Variants in KIFC1 observed in about 807,000 individuals in gnomAD.
KIFC1 encodes kinesin family member C1, also known as kinesin-like protein KIFC1.
A neutral mutation model predicts 66.6 loss-of-function variants in KIFC1; 37 were observed. The ratio of observed to expected loss-of-function variants is 0.56; its 90% CI spans 0.43 to 0.73. KIFC1 has a LOEUF of 0.73. Ranked by LOEUF, KIFC1 falls within the 30% of genes least tolerant of loss-of-function variation. The probability of loss-of-function intolerance (pLI) is 0.00; values close to 1 mark genes in which losing one functional copy is unlikely to be tolerated. For missense variants in KIFC1, 721 were observed against 859.8 expected (o/e 0.84, Z 2.02); for synonymous variants, 325 against 343.5 (o/e 0.95, Z 0.60).
chr6:33,393,736 G>A (rs150090964), intron 1 of KIFC1, among the ~76,000 whole-genome samples: 1,738 of 148,196 alleles, frequency 0.012, 20 homozygotes, highest in Middle Eastern at 0.021. Context: ...ATGAGCCACC[G>A]TGCCCTGCAA....
chr6:33,407,555 A>G (rs1006015718), intron 10 of KIFC1, among the ~76,000 whole-genome samples: 2 of 152,216 alleles, frequency 1.3e-5, no homozygotes, highest in Non-Finnish European at 2.9e-5. Flanking sequence ...TTGTTTCCAC[A>G]CTTTTTTAGT....
chr6:33,408,617 A>G (rs574507779), intron 10 of KIFC1, among the ~76,000 whole-genome samples: 1 of 152,372 alleles, frequency 6.6e-6, no homozygotes, highest in African/African-American at 2.4e-5. Context: ...AACAAGATAA[A>G]TGCTGAATTA....
rs1478479650 is a variant in KIFC1, at chr6:33,406,358, G to T, written c.1699G>T (p.Ala567Ser). ...CGAPLSLVDLAGSERLDPGLA... is the reference protein window; with the variant it reads ...CGAPLSLVDLSGSERLDPGLA... ...GGCCCCCCTCAGTCTTGTGGACCTG[G>T]CCGGGAGTGAGCGACTTGACCCCGG... The change falls in exon 8 of 11, where the codon GCC (alanine) becomes TCC (serine). Residue 567 changes from alanine to serine, a missense_variant. Physicochemically the swap from Ala to Ser is moderately conservative, Grantham distance 99. Transcript: ENST00000428849. This position sits in a 1 kb window ranked among gnomAD's most constrained non-coding sequence, Gnocchi z 4.5. 2 of 1,614,130 alleles carry T rather than the reference G, an allele frequency of 1.2e-6. No individual in the cohort carries two copies. The highest frequency in any genetic ancestry group is 4.5e-5 in the East Asian group (2 of 44,880).
chr6:33,405,200 C>T lies in KIFC1; in HGVS notation c.1105C>T (p.Arg369Cys), dbSNP rs766825253. The T allele has an allele frequency of 5.0e-6, 8 of 1,614,182 alleles. No homozygotes were observed. The highest frequency in any genetic ancestry group is 4.0e-5 in the African/African-American group (3 of 75,060). The change falls in exon 7 of 11, where the codon CGC (arginine) becomes TGC (cysteine). Residue 369 changes from arginine to cysteine, a missense_variant. By Grantham distance (180) the Arg-to-Cys change is radical. Transcript: ENST00000428849. This position sits in a 1 kb window ranked among gnomAD's most constrained non-coding sequence, Gnocchi z 5.4. ...GAGTGGGGCACCAGCTCCCCCAACTCGCCATGATTTTTCCTTTGACCGGGT... is the reference window on the plus strand; with the variant it reads ...GAGTGGGGCACCAGCTCCCCCAACTTGCCATGATTTTTCCTTTGACCGGGT... ...TLSGAPAPPT[R>C]HDFSFDRVFP...
Position 33,403,350 on chromosome 6 carries a change from C to A in KIFC1, c.287C>A (p.Ser96Tyr). The stretch of plus-strand genomic sequence containing the variant: ...TCCAAGAAGACAGGACCCCGGTGTT[C>A]CACAGCTATTGCCACAGGTAACTGT... The part of the protein sequence containing the change: ...KVSKKTGPRC[S>Y]TAIATGLKNQ... The change falls in exon 4 of 11, where the codon TCC (serine) becomes TAC (tyrosine). Residue 96 changes from serine (S) to tyrosine (Y), a missense_variant. Ser to Tyr is a moderately radical substitution (Grantham distance 144). Transcript: ENST00000428849. This position sits in a 1 kb window ranked among gnomAD's most constrained non-coding sequence, Gnocchi z 4.6. 1 of 1,614,012 alleles carries A rather than the reference C, an allele frequency of 6.2e-7. No homozygotes were observed. The highest frequency in any genetic ancestry group is 2.2e-5 in the East Asian group (1 of 44,890).
chr6:33,393,076 T>C (rs1408447318), intron 1 of KIFC1, among the ~76,000 whole-genome samples: 1 of 152,124 alleles, frequency 6.6e-6, no homozygotes, highest in African/African-American at 2.4e-5. Context: ...GAGTATTAAA[T>C]AGGGTGGTCT....
Position 33,405,739 on chromosome 6 carries a change from C to T in KIFC1, c.1536+108C>T. On this transcript the variant is annotated intron_variant, in intron 7 of 10. Transcript: ENST00000428849. The surrounding 1 kb of genome is among the most constrained non-coding windows in gnomAD (Gnocchi z 5.4). ...CAAGAGAGAATTGAAGGATGAAGTG[C>T]AAGTTATCAGGCTGGGTTACCACAT... 6 of 1,190,710 alleles carry T rather than the reference C, an allele frequency of 5.0e-6. No individual in the cohort carries two copies. The East Asian group carries it at 7.9e-5, about 16-fold the overall frequency. The allele number at this position is 1,190,710 out of a possible 1,614,324, so 73.8% of individuals were successfully genotyped here.
chr6:33,409,587 G>A, intron 10 of KIFC1, 59 bp from the exon 11 acceptor site: 1 of 1,537,464 alleles, frequency 6.5e-7, no homozygotes, highest in Non-Finnish European at 9.0e-7. Context: ...GAGATCTTGG[G>A]AAAAATGTTG....
chr6:33,406,336 C>G lies in KIFC1; in HGVS notation c.1677C>G (p.Ala559=). The change falls in exon 8 of 11, where the codon GCC becomes GCG. Residue 559 remains alanine, a synonymous_variant. Transcript: ENST00000428849. This position sits in a 1 kb window ranked among gnomAD's most constrained non-coding sequence, Gnocchi z 4.5. Reference sequence around the variant, plus strand: ...CCAGCCGAGGCCTGCAGTGTGGGGCCCCCCTCAGTCTTGTGGACCTGGCCG... The same window carrying G: ...CCAGCCGAGGCCTGCAGTGTGGGGCGCCCCTCAGTCTTGTGGACCTGGCCG... ...EHSSRGLQCG[A]PLSLVDLAGS... is the part of the protein sequence containing the mutation. 1 of 1,614,226 alleles carries G rather than the reference C, an allele frequency of 6.2e-7. No individual in the cohort carries two copies. The highest frequency in any genetic ancestry group is 8.5e-7 in the Non-Finnish European group (1 of 1,180,042).
rs746419470 is a variant in KIFC1, at chr6:33,404,984, C to T, written c.889C>T (p.Arg297Cys). 21 of 1,614,124 alleles carry T rather than the reference C, an allele frequency of 1.3e-5. No homozygotes were observed. Among genetic ancestry groups the T allele is most frequent in the Admixed American group, 1.7e-5 (1 of 60,018 alleles). Residue 297 changes from arginine to cysteine, a missense_variant, in exon 7 of 11, where the codon CGC becomes TGC. By Grantham distance (180) the Arg-to-Cys change is radical (BLOSUM62 -3). Coordinates refer to ENST00000428849, the MANE Select transcript of KIFC1 (RefSeq NM_002263.4). The surrounding 1 kb of genome is among the most constrained non-coding windows in gnomAD (Gnocchi z 4.0). ...ACGTCTTCATGGGCTAGAAATGGAG[C>T]GCCGGCGACTGCACAACCAGCTGCA... ...EERLHGLEMERRRLHNQLQEL... is the reference protein window; with the variant it reads ...EERLHGLEMECRRLHNQLQEL...
At position 33,404,279 on chromosome 6, in the gene KIFC1, T is replaced by TC. The variant is rs139173117; in HGVS notation, c.756+150_756+151insC. On this transcript the variant is annotated intron_variant, in intron 6 of 10. Transcript: ENST00000428849. This position sits in a 1 kb window ranked among gnomAD's most constrained non-coding sequence, Gnocchi z 4.0. ...GGTGCTGCTGAAGATACCTCTCTCT[T>TC]GACCTGTCTGCACCCCAGCCCACTC... 250,913 of 715,098 alleles carry TC rather than the reference T, an allele frequency of 0.35. 47,435 individuals are homozygous for TC. The highest frequency in any genetic ancestry group is 0.39 in the South Asian group (20,381 of 52,632). 44.3% of individuals were successfully genotyped at this position (715,098 alleles called of 1,614,324 possible).
In KIFC1 at chr6:33,398,048, T is replaced by G. The variant is rs1278848608; in HGVS notation, c.32T>G (p.Val11Gly). Residue 11 changes from valine to glycine, a missense_variant, in exon 2 of 11, where the codon GTA becomes GGA. Physicochemically the swap from Val to Gly is moderately radical, Grantham distance 109. Coordinates refer to ENST00000428849, the MANE Select transcript of KIFC1 (RefSeq NM_002263.4). MDPQRSPLLE[V>G]KGNIELKRPL... ...CAACAGAGGTCCCCCCTATTGGAAG[T>G]AAAGGGGAACATAGAACTGAAGAGA... The G allele has an allele frequency of 2.5e-6, 4 of 1,613,914 alleles. No homozygotes were observed. Among genetic ancestry groups the G allele is most frequent in the Non-Finnish European group, 3.4e-6 (4 of 1,179,938 alleles).
intron 1 of KIFC1, among the ~76,000 whole-genome samples, chr6:33,396,919 T>A (rs1178587696): frequency 2.6e-5 from 4 of 151,458 alleles, no homozygotes; most frequent in Non-Finnish European, 5.9e-5. Flanking sequence ...CCTGACCTTG[T>A]GATCTGCCCG....
In KIFC1 at chr6:33,404,920, G is replaced by A; in HGVS notation, c.825G>A (p.Glu275=). The A allele has an allele frequency of 6.2e-7, 1 of 1,614,126 alleles. No individual in the cohort carries two copies. Among genetic ancestry groups the A allele is most frequent in the Non-Finnish European group, 8.5e-7 (1 of 1,180,030 alleles). Residue 275 remains glutamate, a synonymous_variant, in exon 7 of 11, where the codon GAG becomes GAA. Transcript: ENST00000428849. This position sits in a 1 kb window ranked among gnomAD's most constrained non-coding sequence, Gnocchi z 4.0. ...CAGAGGTGGCATCTCTGCGGCAGGAGACTGTGGCCCAGGCAGCCTTACTGA... is the reference window on the plus strand; with the variant it reads ...CAGAGGTGGCATCTCTGCGGCAGGAAACTGTGGCCCAGGCAGCCTTACTGA... ...SQAEVASLRQ[E]TVAQAALLTE...
At chr6:33,409,303 G>C (rs1296203086) in intron 10 of KIFC1, among the ~76,000 whole-genome samples, 1 of 152,188 alleles carries the variant, frequency 6.6e-6, no homozygotes, top group African/African-American at 2.4e-5. Flanking sequence ...AGGAGTCCTA[G>C]TTCCTAAATG....
In KIFC1 at chr6:33,406,245, C is replaced by A; in HGVS notation, c.1586C>A (p.Thr529Lys). The change falls in exon 8 of 11, where the codon ACA becomes AAA. Residue 529 changes from threonine (T) to lysine (K), a missense_variant. Transcript: ENST00000428849. This position sits in a 1 kb window ranked among gnomAD's most constrained non-coding sequence, Gnocchi z 4.5. ...CGCCAGAATCGGGCTGTGGCCCGCA[C>A]AGCCCAGAATGAACGGTCATCACGC... ...LARQNRAVAR[T>K]AQNERSSRSH... 6.2e-7 allele frequency: 1 copy of A among 1,613,840 alleles called. No homozygotes were observed. The highest frequency in any genetic ancestry group is 8.5e-7 in the Non-Finnish European group (1 of 1,179,894).
At chr6:33,398,198 G>T (rs779195745) in intron 2 of KIFC1, 32 bp downstream of exon 2, 37 of 1,613,958 alleles carry the variant, frequency 2.3e-5, no homozygotes, top group Non-Finnish European at 3.1e-5. Flanking sequence ...GTGCATGTGT[G>T]TGGGGGGTGT....
intron 1 of KIFC1, among the ~76,000 whole-genome samples, chr6:33,394,438 T>G (rs1172748164): frequency 6.6e-6 from 1 of 152,150 alleles, no homozygotes; most frequent in Non-Finnish European, 1.5e-5. Context: ...AGGAGCAAGT[T>G]CAAAGCAGGG....
chr6:33,393,421 A>G (rs934148423), intron 1 of KIFC1, among the ~76,000 whole-genome samples: 3 of 146,762 alleles, frequency 2.0e-5, no homozygotes, highest in African/African-American at 7.6e-5. Context: ...TTTCGTAACC[A>G]TAGCACCATT....
Sources: allele counts gnomAD v4.1 joint callset (sites outside exome capture counted in the v4.1 genomes callset), GRCh38; gene constraint gnomAD v4.1.1; non-coding constraint Gnocchi (gnomAD v3.1); transcripts MANE v1.5; gene names NCBI Gene and HGNC (gene_info 2026-07-23, HGNC 2026-07-21).